VPS13D: variants seen among roughly 807,000 people sequenced by gnomAD.
VPS13D encodes the protein vacuolar protein sorting 13 homolog D.
In VPS13D, 187 loss-of-function variants were observed where a neutral mutation model predicts 461.9. That is an observed-to-expected ratio of 0.40 (90% CI 0.36 to 0.46). VPS13D has a LOEUF of 0.46. Ranked by LOEUF, VPS13D falls within the 20% of genes least tolerant of loss-of-function variation. VPS13D has a pLI of 0.60. For synonymous variants in VPS13D, 1,951 were observed against 1,986.3 expected (o/e 0.98, Z 0.47); for missense variants, 4,711 against 5,364.9 (o/e 0.88, Z 3.81).
intron 9 of VPS13D, among the ~76,000 whole-genome samples, 198 bp downstream of exon 9, chr1:12,257,285 C>G (rs1640953269): frequency 6.6e-6 from 1 of 152,210 alleles, no homozygotes; most frequent in Admixed American, 6.5e-5. Context: ...GTGTCATTGG[C>G]TTACTCTTAG....
chr1:12,506,085 A>T (rs1037479209), intron 68 of VPS13D, among the ~76,000 whole-genome samples: 1 of 152,186 alleles, frequency 6.6e-6, no homozygotes, highest in African/African-American at 2.4e-5. Flanking sequence ...CTGCAGCCCC[A>T]TTGTGAAGGG....
At chr1:12,339,822 A>G (rs186281659) in intron 40 of VPS13D, among the ~76,000 whole-genome samples, 2 of 152,320 alleles carry the variant, frequency 1.3e-5, no homozygotes, top group Admixed American at 1.3e-4. Flanking sequence ...TACCCATGCT[A>G]TTTAACTCCA....
At chr1:12,361,099 C>T (rs1169557252) in intron 50 of VPS13D, among the ~76,000 whole-genome samples, 1 of 152,082 alleles carries the variant, frequency 6.6e-6, no homozygotes. Context: ...GCCTTCGTTT[C>T]CTCATCTATA....
In VPS13D at chr1:12,283,023, G is replaced by A. The variant is rs770183631; in HGVS notation, c.4921G>A (p.Gly1641Ser). 18 of 1,613,562 alleles carry A rather than the reference G, an allele frequency of 1.1e-5. No homozygotes were observed. The highest frequency in any genetic ancestry group is 1.5e-5 in the Non-Finnish European group (18 of 1,179,886). ...TGGAGATCTGACTTTGGGGGCCCAA[G>A]GTCTTGTGAGCTTAAAGTTTCAGGA... ...LSGDLTLGAQ[G>S]LVSLKFQDFE... The change falls in exon 21 of 70, where the codon GGT becomes AGT. Residue 1641 changes from glycine (G) to serine (S), a missense_variant. Coordinates refer to ENST00000620676, the MANE Select transcript of VPS13D (RefSeq NM_015378.4).
intron 42 of VPS13D, 137 bp from the exon 43 acceptor site, chr1:12,345,237 C>T: frequency 2.1e-6 from 2 of 946,420 alleles, no homozygotes; most frequent in Non-Finnish European, 3.1e-6. Context: ...ATTTCCCTTG[C>T]ATTAGGTAAT....
chr1:12,239,833 G>A (rs1166455315), intron 2 of VPS13D, among the ~76,000 whole-genome samples: 2 of 152,104 alleles, frequency 1.3e-5, no homozygotes, highest in African/African-American at 2.4e-5. Flanking sequence ...TGAGACATCC[G>A]TGAGTAAGTC....
chr1:12,313,981 C>A, intron 29 of VPS13D, 134 bp from the exon 30 acceptor site: 1 of 738,540 alleles, frequency 1.4e-6, no homozygotes. Context: ...AACAAGAAAA[C>A]TCAGAATGAA....
intron 52 of VPS13D, among the ~76,000 whole-genome samples, chr1:12,365,664 G>A (rs546955256): frequency 2.1e-3 from 311 of 149,606 alleles, no homozygotes; most frequent in Non-Finnish European, 3.3e-3. Context: ...AGATCGTGCC[G>A]TTGCACTCTA....
chr1:12,386,846 GC>G (rs1644356615), intron 60 of VPS13D, among the ~76,000 whole-genome samples: 2 of 152,182 alleles, frequency 1.3e-5, no homozygotes, highest in Non-Finnish European at 2.9e-5. Context: ...CCCTGTAATT[GC>G]CTTTCTTACC....
chr1:12,345,629 T>C, intron 43 of VPS13D, 120 bp downstream of exon 43: 2 of 1,386,668 alleles, frequency 1.4e-6, no homozygotes, highest in Non-Finnish European at 1.9e-6. Context: ...ATTCTAGGAC[T>C]GACTGGGTCA....
At chr1:12,395,279 C>T (rs568160585) in intron 60 of VPS13D, among the ~76,000 whole-genome samples, 1 of 152,060 alleles carries the variant, frequency 6.6e-6, no homozygotes, top group South Asian at 2.1e-4. Context: ...ATCCTTCTGG[C>T]AAAAAAGGCT....
intron 63 of VPS13D, among the ~76,000 whole-genome samples, chr1:12,405,388 G>T (rs568615385): frequency 3.0e-4 from 46 of 152,198 alleles, no homozygotes; most frequent in Non-Finnish European, 5.1e-4. Flanking sequence ...GGCCGTGTCT[G>T]CCAACTCACA....
intron 46 of VPS13D, among the ~76,000 whole-genome samples, chr1:12,351,663 C>G (rs953207657): frequency 3.4e-5 from 5 of 146,906 alleles, no homozygotes; most frequent in African/African-American, 1.3e-4. Flanking sequence ...GTGATCTTGG[C>G]TCACTGCAGC....
intron 6 of VPS13D, among the ~76,000 whole-genome samples, chr1:12,250,591 A>G (rs1386616651): frequency 6.6e-6 from 1 of 152,212 alleles, no homozygotes; most frequent in Non-Finnish European, 1.5e-5. Context: ...AACCAACAAT[A>G]ACAGTTTTGA....
In VPS13D at chr1:12,299,462, AGAT is replaced by A; in HGVS notation, c.6216+82_6216+84del. On this transcript the variant is annotated intron_variant, in intron 25 of 69. Transcript: ENST00000620676. This position sits in a 1 kb window ranked among gnomAD's most constrained non-coding sequence, Gnocchi z 4.2. ...ATTGAAAAATTTGTATGCTGCTGTA[AGAT>A]GATCCATAATTGCTATTACTTTTGT... 1 of 1,474,032 alleles carries A rather than the reference AGAT, an allele frequency of 6.8e-7. No individual in the cohort carries two copies. The highest frequency in any genetic ancestry group is 1.4e-5 in the South Asian group (1 of 70,870). The allele number at this position is 1,474,032 out of a possible 1,614,324, so 91.3% of individuals were successfully genotyped here.
intron 27 of VPS13D, among the ~76,000 whole-genome samples, chr1:12,310,235 G>GCA (rs144275028): frequency 0.044 from 6,691 of 152,240 alleles, 300 homozygotes; most frequent in African/African-American, 0.11. Context: ...GTCTCACACT[G>GCA]CACACACAGC....
chr1:12,381,927 TTTCTTTCTTTCTTTCTTTC>T lies in VPS13D; in HGVS notation c.11191-1046_11191-1028del, dbSNP rs1184913592. On this transcript the variant is annotated intron_variant, in intron 57 of 69. Transcript: ENST00000620676. ...TTTTCTTTTTCTTTCTTTTCTTTTC[TTTCTTTCTTTCTTTCTTTC>T]TTTCTTTCTTTCTTTCTTTCTTTCT... 8.4e-3 allele frequency among the ~76,000 whole-genome samples: 243 copies of T among 28,786 alleles called. 2 individuals carry two copies. Among genetic ancestry groups the T allele is most frequent in the Middle Eastern group, 0.022 (1 of 46 alleles). 18.9% of individuals were successfully genotyped at this position (28,786 alleles called of 152,430 possible). A position where few individuals can be genotyped will look rare whatever the true frequency, so the allele number is the denominator to read the frequency against.
intron 22 of VPS13D, among the ~76,000 whole-genome samples, chr1:12,290,796 T>C (rs1337199546): frequency 2.0e-5 from 3 of 152,202 alleles, no homozygotes; most frequent in Non-Finnish European, 2.9e-5. Flanking sequence ...ACTTTTTTTT[T>C]CCTTTTTTGC....
chr1:12,246,505 A>G (rs938088366), intron 5 of VPS13D, among the ~76,000 whole-genome samples: 30 of 152,198 alleles, frequency 2.0e-4, no homozygotes, highest in African/African-American at 6.8e-4. Flanking sequence ...ATCCCCCCCA[A>G]AAATGAAATC....
Sources: allele counts gnomAD v4.1 joint callset (sites outside exome capture counted in the v4.1 genomes callset), GRCh38; gene constraint gnomAD v4.1.1; non-coding constraint Gnocchi (gnomAD v3.1); transcripts MANE v1.5; gene names NCBI Gene and HGNC (gene_info 2026-07-23, HGNC 2026-07-21).